The following NUMA1 variants were observed in gnomAD, a reference collection of about 807,000 sequenced individuals.
NUMA1 encodes the protein nuclear mitotic apparatus protein 1.
NUMA1 carries 62 observed loss-of-function variants against 237.1 expected under a neutral mutation model. The observed-to-expected ratio is 0.26, with a 90% confidence interval of 0.21 to 0.32. The LOEUF is 0.32. Ranked by LOEUF, NUMA1 falls within the 10% of genes least tolerant of loss-of-function variation. NUMA1 has a pLI of 1.00. For missense variants in NUMA1, 2,533 were observed against 2,666.5 expected (o/e 0.95, Z 1.10); for synonymous variants, 1,028 against 1,066.1 (o/e 0.96, Z 0.70).
Position 72,009,257 on chromosome 11 carries a change from G to T in NUMA1, c.4839+11C>A. The T allele has an allele frequency of 6.2e-7, 1 of 1,610,548 alleles. No homozygotes were observed. ...GAGGAAGGTGGCATGGGCTGGGGCT[G>T]GGCTCCTTACCTGCAGCTTATAGTG... On this transcript the variant is annotated intron_variant, in intron 18 of 26. Coordinates refer to ENST00000393695, the MANE Select transcript of NUMA1 (RefSeq NM_006185.4).
chr11:72,030,378 C>T (rs553516521), intron 3 of NUMA1, among the ~76,000 whole-genome samples: 3 of 148,900 alleles, frequency 2.0e-5, no homozygotes, highest in Admixed American at 1.3e-4. Flanking sequence ...AAAAAGGGGG[C>T]GGTGGGGGAT....
Position 72,023,142 on chromosome 11 carries a change from G to A in NUMA1, c.214C>T (p.Arg72Ter). The A allele has an allele frequency of 1.2e-6, 2 of 1,612,284 alleles. No individual in the cohort carries two copies. The highest frequency in any genetic ancestry group is 1.7e-6 in the Non-Finnish European group (2 of 1,178,732). ...DFVCSFLQKN[R>*]KHPSSPECLV... ...CATTCTGGGGAAGAGGGATGTTTTC[G>A]ATTTTCTGCAATGACAACAACGTAG... Residue 72 changes from arginine (R) to a stop codon, truncating the protein, a stop_gained, in exon 6 of 27, where the codon CGA (arginine) becomes TGA (stop). Coordinates refer to ENST00000393695, the MANE Select transcript of NUMA1 (RefSeq NM_006185.4). LOFTEE classifies it high-confidence loss of function.
intron 4 of NUMA1, chr11:72,024,882 G>C (rs891917609): frequency 1.3e-5 from 2 of 155,860 alleles, no homozygotes; most frequent in Non-Finnish European, 2.8e-5. Flanking sequence ...GAGGATCCCA[G>C]GGACTAGAGT....
intron 4 of NUMA1, chr11:72,024,964 C>A: frequency 6.5e-6 from 1 of 153,838 alleles, no homozygotes; most frequent in Non-Finnish European, 1.4e-5. Flanking sequence ...GTGGCACGAT[C>A]TCGGCTCACT....
At chr11:72,012,843 C>T in intron 15 of NUMA1, 52 bp downstream of exon 15, 2 of 1,583,816 alleles carry the variant, frequency 1.3e-6, no homozygotes, top group African/African-American at 1.3e-5. Context: ...ATCGATGTCC[C>T]CGCGCTCTCA....
At chr11:72,020,114 C>T (rs76977357) in intron 8 of NUMA1, among the ~76,000 whole-genome samples, 147 of 152,342 alleles carry the variant, frequency 9.6e-4, no homozygotes, top group African/African-American at 3.5e-3. Context: ...GTAGGACTCT[C>T]CTACCTCTAA....
At chr11:72,038,789 C>G (rs966332882) in intron 2 of NUMA1, among the ~76,000 whole-genome samples, 26 of 152,170 alleles carry the variant, frequency 1.7e-4, no homozygotes, top group Non-Finnish European at 2.8e-4. Flanking sequence ...CCCCCGTCCC[C>G]CCCACAACCC....
intron 26 of NUMA1, 76 bp downstream of exon 26, chr11:72,003,811 G>A (rs1047782442): frequency 1.4e-6 from 2 of 1,471,908 alleles, no homozygotes; most frequent in Non-Finnish European, 9.4e-7. Context: ...CATCTTGGAT[G>A]CTACTTGGTG....
chr11:72,051,606 G>T (rs1314318815), intron 2 of NUMA1, among the ~76,000 whole-genome samples: 2 of 151,944 alleles, frequency 1.3e-5, no homozygotes, highest in Non-Finnish European at 2.9e-5. Flanking sequence ...CAAGTAGCTG[G>T]GGCTACCGGT....
chr11:72,052,737 C>G (rs1024067529), intron 2 of NUMA1, among the ~76,000 whole-genome samples: 2 of 151,910 alleles, frequency 1.3e-5, no homozygotes, highest in East Asian at 3.9e-4. Context: ...GCACTCCAGT[C>G]TGGTGTGCTC....
At chr11:72,034,031 C>T (rs1940686107) in intron 3 of NUMA1, among the ~76,000 whole-genome samples, 1 of 152,100 alleles carries the variant, frequency 6.6e-6, no homozygotes. Context: ...AGAAGGATGG[C>T]TTGAGCCCCA....
chr11:72,004,822 T>G lies in NUMA1; in HGVS notation c.5830-6A>C. ...GTGCCCAGGCTCAGGGAAGGCTGCA[T>G]GGGTGGAAGAGGTGGTCAGTGGACC... On this transcript the variant is annotated splice_polypyrimidine_tract_variant and splice_region_variant and intron_variant, in intron 23 of 26. Transcript: ENST00000393695. 6.4e-7 allele frequency: 1 copy of G among 1,561,252 alleles called. No individual in the cohort carries two copies. Among genetic ancestry groups the G allele is most frequent in the Middle Eastern group, 1.7e-4 (1 of 5,732 alleles).
chr11:72,067,073 G>C (rs1320663909), intron 2 of NUMA1: 1 of 152,216 alleles, frequency 6.6e-6, no homozygotes, highest in Non-Finnish European at 1.5e-5. Flanking sequence ...GGGCAATGAG[G>C]GAAAGAAGAG....
chr11:72,024,832 C>G (rs1939352301), intron 4 of NUMA1: 1 of 158,836 alleles, frequency 6.3e-6, no homozygotes. Context: ...TGAAGTTCCC[C>G]CACTAGGCTG....
At position 72,015,282 on chromosome 11, in the gene NUMA1, C is replaced by G; in HGVS notation, c.2221G>C (p.Ala741Pro). ...TGCTCCACCAGGCTTCGGGTCTCTG[C>G]CTTCAGCTCAGAGATACAACGCTGC... ...EQQRCISELK[A>P]ETRSLVEQHK... The change falls in exon 15 of 27, where the codon GCA (alanine) becomes CCA (proline). Residue 741 changes from alanine to proline, a missense_variant. This residue lies in a region of NUMA1 where 1,414 missense variants were observed against 1,508.1 expected (regional missense o/e 0.94). Coordinates refer to ENST00000393695, the MANE Select transcript of NUMA1 (RefSeq NM_006185.4). The surrounding 1 kb of genome is among the most constrained non-coding windows in gnomAD (Gnocchi z 4.0). The G allele has an allele frequency of 6.2e-7, 1 of 1,613,654 alleles. No homozygotes were observed. The highest frequency in any genetic ancestry group is 8.5e-7 in the Non-Finnish European group (1 of 1,180,036).
At position 72,015,097 on chromosome 11, in the gene NUMA1, C is replaced by T; in HGVS notation, c.2406G>A (p.Glu802=). ...CTACTTCTTTGACGAGCTGCTCACA[C>T]TCACTCTCAGCTGTGTGCTGGGCAG... ...AMAAQHTAES[E]CEQLVKEVAA... The change falls in exon 15 of 27, where the codon GAG becomes GAA. Residue 802 remains glutamate, a synonymous_variant. Coordinates refer to ENST00000393695, the MANE Select transcript of NUMA1 (RefSeq NM_006185.4). The surrounding 1 kb of genome is among the most constrained non-coding windows in gnomAD (Gnocchi z 4.0). 1 of 1,613,872 alleles carries T rather than the reference C, an allele frequency of 6.2e-7. No individual in the cohort carries two copies. The highest frequency in any genetic ancestry group is 1.1e-5 in the South Asian group (1 of 91,092).
Position 72,011,373 on chromosome 11 carries a change from T to C in NUMA1, c.4651-519A>G, listed in dbSNP as rs563762603. Among the ~76,000 whole-genome samples the C allele has an allele frequency of 8.5e-5, 13 of 152,288 alleles. No homozygotes were observed. The South Asian group carries it at 1.5e-3, about 17-fold the overall frequency. ...AGCAGCATGGCTGCTGTGGTTAGCA[T>C]TGGGGAACAGATTGCTGGAAGACAA... On this transcript the variant is annotated intron_variant, in intron 16 of 26. Coordinates refer to ENST00000393695, the MANE Select transcript of NUMA1 (RefSeq NM_006185.4).
rs1262339176 is a variant in NUMA1 at position 72,004,242 on chromosome 11, G to A, written c.6106C>T (p.Pro2036Ser). ...AGCCTCACCTGTTTAGTAGAAGCTGGAGCTGCTTTCTTCTGGGCCTCAGTA... is the reference window on the plus strand; with the variant it reads ...AGCCTCACCTGTTTAGTAGAAGCTGAAGCTGCTTTCTTCTGGGCCTCAGTA... ...STTEAQKKAA[P>S]ASTKQADRRQ... The change falls in exon 25 of 27, where the codon CCA becomes TCA. Residue 2036 changes from proline to serine, a missense_variant. By Grantham distance (74) the Pro-to-Ser change is moderately conservative. Transcript: ENST00000393695. 6.2e-7 allele frequency: 1 copy of A among 1,611,568 alleles called. No homozygotes were observed. Among genetic ancestry groups the A allele is most frequent in the Admixed American group, 1.7e-5 (1 of 58,874 alleles).
At chr11:72,018,009 G>T in intron 12 of NUMA1, 174 bp downstream of exon 12, 1 of 970,852 alleles carries the variant, frequency 1.0e-6, no homozygotes, top group Non-Finnish European at 1.5e-6. Flanking sequence ...TCACAGCCCA[G>T]TACCCGGGAA....
Sources: gnomAD v4.1 joint callset for allele counts (sites outside exome capture counted in the v4.1 genomes callset) on GRCh38, gnomAD v4.1.1 for gene constraint, gnomAD v4.1.1 regional missense constraint, Gnocchi (gnomAD v3.1) non-coding constraint, MANE v1.5 for transcripts, NCBI Gene and HGNC (gene_info 2026-07-23, HGNC 2026-07-21) for gene names.